The following NXF3 variants were observed in gnomAD, a reference collection of about 807,000 sequenced individuals.
The protein encoded by NXF3 is TAP-like protein 3.
NXF3 carries 34 observed loss-of-function variants against 48.4 expected under a neutral mutation model. The ratio of observed to expected loss-of-function variants is 0.70; its 90% confidence interval spans 0.53 to 0.93. The LOEUF (loss-of-function observed/expected upper bound fraction) is 0.93. NXF3 is among the 40% of genes least tolerant of loss of function. NXF3 has a pLI of 0.00. For synonymous variants in NXF3, 132 were observed against 145.7 expected (o/e 0.91, Z 0.68); for missense variants, 359 against 406.1 (o/e 0.88, Z 1.00).
intron 2 of NXF3, 84 bp downstream of exon 2, chrX:103,084,631 T>C (rs1224051436): frequency 4.3e-5 from 49 of 1,134,190 alleles, no homozygotes; most frequent in East Asian, 3.6e-4. Context: ...CTCTGTCAAG[T>C]TGGAAAGAAT....
chrX:103,089,034 T>G, intron 1 of NXF3: 1 of 1,149,894 alleles, frequency 8.7e-7, no homozygotes, highest in Non-Finnish European at 1.2e-6. Flanking sequence ...CCATCCTTTT[T>G]GCAGTTATTC....
At chrX:103,090,968 A>G (rs976967866) in intron 1 of NXF3, among the ~76,000 whole-genome samples, 4 of 112,478 alleles carry the variant, frequency 3.6e-5, no homozygotes, top group African/African-American at 1.3e-4. Flanking sequence ...ACTTTTCAAG[A>G]ACTCATCTGT....
At position 103,084,764 on chromosome X, in the gene NXF3, C is replaced by A. The variant is rs1263656731; in HGVS notation, c.148G>T (p.Asp50Tyr). The A allele has an allele frequency of 8.3e-7, 1 of 1,210,401 alleles. No individual in the cohort carries two copies. Among genetic ancestry groups the A allele is most frequent in the African/African-American group, 1.7e-5 (1 of 57,307 alleles). ...GMHSSSHQQQDGDAAMHGAHM... is the reference protein window; with the variant it reads ...GMHSSSHQQQYGDAAMHGAHM... ...GCACCATGCATTGCTGCATCTCCATCTTGCTGCTGATGGGATGAAGAATGC... is the reference window on the plus strand; with the variant it reads ...GCACCATGCATTGCTGCATCTCCATATTGCTGCTGATGGGATGAAGAATGC... Residue 50 changes from aspartate (D) to tyrosine (Y), a missense_variant, in exon 2 of 20, where the codon GAT becomes TAT. Coordinates refer to ENST00000395065, the MANE Select transcript of NXF3 (RefSeq NM_022052.2).
At chrX:103,088,688 G>T in intron 1 of NXF3, 6 of 950,925 alleles carry the variant, frequency 6.3e-6, no homozygotes, top group Non-Finnish European at 8.7e-6. Context: ...ACACTATTTA[G>T]TTCATACTGG....
chrX:103,089,133 T>C (rs1313118071), intron 1 of NXF3: 2 of 826,213 alleles, frequency 2.4e-6, no homozygotes, highest in Non-Finnish European at 3.7e-6. Flanking sequence ...GGAAAAACAC[T>C]AACTAATTCA....
intron 18 of NXF3, 58 bp from the exon 19 acceptor site, chrX:103,076,359 A>G: frequency 9.1e-7 from 1 of 1,097,449 alleles, no homozygotes; most frequent in Non-Finnish European, 1.3e-6. Flanking sequence ...ACACTCTGAC[A>G]ATACAATGCC....
intron 10 of NXF3, 80 bp from the exon 11 acceptor site, chrX:103,080,296 A>AG: frequency 3.1e-6 from 3 of 979,808 alleles, no homozygotes; most frequent in Non-Finnish European, 4.3e-6. Context: ...GACCCAGGAG[A>AG]GGGTGAGATC....
At chrX:103,085,920 A>AAG (rs1479757734) in intron 1 of NXF3, among the ~76,000 whole-genome samples, 4 of 103,786 alleles carry the variant, frequency 3.9e-5, no homozygotes, top group Non-Finnish European at 7.8e-5. Flanking sequence ...AAAAAAAAAA[A>AAG]AAAGAAAGAA....
At position 103,087,166 on chromosome X, in the gene NXF3, G is replaced by A; in HGVS notation, c.29-2283C>T. 5.1e-6 allele frequency: 3 copies of A among 585,948 alleles called. No homozygotes were observed. In the South Asian group the frequency reaches 9.3e-5, roughly 18 times the overall value. The allele number at this position is 585,948 out of a possible 1,213,427, so 48.3% of individuals were successfully genotyped here. On this transcript the variant is annotated intron_variant, in intron 1 of 19. Transcript: ENST00000395065. ...GGCAACACTGGTGTAGGAACGCTAT[G>A]GAGCTCATCAGACTACATCACTGAA...
chrX:103,084,403 G>A lies in NXF3; in HGVS notation c.290C>T (p.Pro97Leu), dbSNP rs760766540. 9.7e-5 allele frequency: 117 copies of A among 1,209,627 alleles called. No homozygotes were observed. Among genetic ancestry groups the A allele is most frequent in the Admixed American group, 4.4e-5 (2 of 45,675 alleles). The part of the protein sequence containing the change: ...HVNMEREQKP[P>L]ERRMEGNMPD... Reference sequence around the variant, plus strand: ...CATGTTCCCCTCCATTCTTCTCTCTGGAGGTTTTTGCTCTCTCTCCATGTT... The same window carrying A: ...CATGTTCCCCTCCATTCTTCTCTCTAGAGGTTTTTGCTCTCTCTCCATGTT... Residue 97 changes from proline (P) to leucine (L), a missense_variant, in exon 3 of 20, where the codon CCA becomes CTA. Physicochemically the swap from Pro to Leu is moderately conservative, Grantham distance 98. Transcript: ENST00000395065.
chrX:103,082,270 G>A lies in NXF3; in HGVS notation c.875C>T (p.Thr292Ile), dbSNP rs1370197169. 8.3e-7 allele frequency: 1 copy of A among 1,202,018 alleles called. No homozygotes were observed. Among genetic ancestry groups the A allele is most frequent in the Admixed American group, 2.2e-5 (1 of 45,968 alleles). The change falls in exon 9 of 20, where the codon ACC (threonine) becomes ATC (isoleucine). Residue 292 changes from threonine (T) to isoleucine (I), a missense_variant. Coordinates refer to ENST00000395065, the MANE Select transcript of NXF3 (RefSeq NM_022052.2). Reference protein sequence around the residue: ...RSPVCTTFSDTSSNINSILEL... With the variant: ...RSPVCTTFSDISSNINSILEL... ...TACAACTGACTTTATGTTGCTGGAG[G>A]TATCCGAGAAGGTCGTGCACACTGG...
chrX:103,080,382 T>C (rs1235090688), intron 10 of NXF3, among the ~76,000 whole-genome samples, 166 bp from the exon 11 acceptor site: 2 of 111,638 alleles, frequency 1.8e-5, no homozygotes, highest in Non-Finnish European at 3.8e-5. Flanking sequence ...CTGAAGCCTG[T>C]TGTGAACCTG....
chrX:103,091,082 T>C (rs921518033), intron 1 of NXF3, among the ~76,000 whole-genome samples: 2 of 112,438 alleles, frequency 1.8e-5, no homozygotes, highest in African/African-American at 6.5e-5. Context: ...CTAAGCAATT[T>C]ATGTAATTTT....
intron 6 of NXF3, 42 bp downstream of exon 6, chrX:103,083,151 G>A (rs772664094): frequency 1.7e-6 from 2 of 1,195,589 alleles, no homozygotes; most frequent in Non-Finnish European, 2.3e-6. Context: ...AGAAGCAGTG[G>A]GTCTGGCTTT....
At chrX:103,084,670 T>C (rs776758657) in intron 2 of NXF3, 45 bp downstream of exon 2, 76 of 1,181,267 alleles carry the variant, frequency 6.4e-5, no homozygotes, top group Non-Finnish European at 8.0e-5. Context: ...GTTATGTATT[T>C]CACTGGCTGG....
intron 15 of NXF3, 30 bp from the exon 16 acceptor site, chrX:103,079,293 T>A: frequency 8.3e-7 from 1 of 1,209,800 alleles, no homozygotes. Context: ...GTGCTCAGGA[T>A]CCCCCTTAAC....
intron 18 of NXF3, 71 bp from the exon 19 acceptor site, chrX:103,076,372 T>C: frequency 9.4e-7 from 1 of 1,062,298 alleles, no homozygotes; most frequent in Admixed American, 2.2e-5. Flanking sequence ...ACAATGCCAT[T>C]TCTTAATCTA....
In NXF3 at chrX:103,079,172, G is replaced by A. The variant is rs1211810646; in HGVS notation, c.1378+49C>T. On this transcript the variant is annotated intron_variant, in intron 16 of 19. Transcript: ENST00000395065. ...GAGTTCTGAGATGGAGCCCAGCCAG[G>A]GGGAGGGAGGAGTGGGGGATCTGGG... 6.1e-6 allele frequency: 7 copies of A among 1,143,509 alleles called. No individual in the cohort carries two copies. In the African/African-American group the frequency reaches 9.0e-5, roughly 15 times the overall value. The allele number at this position is 1,143,509 out of a possible 1,213,427, so 94.2% of individuals were successfully genotyped here.
rs769893792 is a variant in NXF3, at chrX:103,084,871, T to C, written c.41A>G (p.Gln14Arg). 1 of 1,210,719 alleles carries C rather than the reference T, an allele frequency of 8.3e-7. No individual in the cohort carries two copies. Among genetic ancestry groups the C allele is most frequent in the East Asian group, 3.0e-5 (1 of 33,865 alleles). ...ACATCTTGCTCTTCTTTGAACAACT[T>C]GATCAGTGTGACCTTAAATTAAGAA... is the stretch of plus-strand genomic sequence containing the variant. Reference protein sequence around the residue: ...PSGHTTGHTDQVVQRRARCWD... With the variant: ...PSGHTTGHTDRVVQRRARCWD... Residue 14 changes from glutamine to arginine, a missense_variant, in exon 2 of 20, where the codon CAA becomes CGA. Coordinates refer to ENST00000395065, the MANE Select transcript of NXF3 (RefSeq NM_022052.2).
Sources: allele counts gnomAD v4.1 joint callset (sites outside exome capture counted in the v4.1 genomes callset), GRCh38; gene constraint gnomAD v4.1.1; transcripts MANE v1.5; gene names NCBI Gene and HGNC (gene_info 2026-07-23, HGNC 2026-07-21).